Variants in ZBBX observed in about 807,000 individuals in gnomAD.
ZBBX encodes zinc finger B-box domain-containing protein 1.
ZBBX carries 101 observed loss-of-function variants against 108.5 expected under a neutral mutation model. The ratio of observed to expected loss-of-function variants is 0.93; its 90% CI spans 0.79 to 1.10. The LOEUF is 1.10. ZBBX is among the 50% of genes least tolerant of loss of function. The pLI, the probability that ZBBX is intolerant of heterozygous loss-of-function variation, is 0.00. For synonymous variants in ZBBX, 356 were observed against 323.4 expected, an observed-to-expected ratio of 1.10 and a Z score of -1.08; for missense variants, 1,009 against 941.4, an observed-to-expected ratio of 1.07 and a Z score of -0.94.
At chr3:167,391,518 G>A (rs537649761) in intron 1 of ZBBX, among the ~76,000 whole-genome samples, 3 of 151,890 alleles carry the variant, frequency 2.0e-5, no homozygotes, top group Non-Finnish European at 4.4e-5. Flanking sequence ...CTAGGGATTA[G>A]CCCCTCTTTT....
intron 20 of ZBBX, among the ~76,000 whole-genome samples, chr3:167,268,289 T>C (rs1725919903): frequency 6.6e-6 from 1 of 151,650 alleles, no homozygotes; most frequent in African/African-American, 2.4e-5. Context: ...GTTACACACC[T>C]GGGTTGAGTT....
intron 1 of ZBBX, chr3:167,399,625 G>A (rs1748355729): frequency 6.6e-6 from 1 of 152,144 alleles, no homozygotes; most frequent in African/African-American, 2.4e-5. Context: ...ACCTTAGCAT[G>A]TGCAAGGTCA....
At chr3:167,294,360 T>A (rs888709029) in intron 18 of ZBBX, among the ~76,000 whole-genome samples, 1 of 151,740 alleles carries the variant, frequency 6.6e-6, no homozygotes, top group African/African-American at 2.4e-5. Context: ...TATAGACCAA[T>A]GGAACAGAAC....
chr3:167,362,254 A>G (rs1744644682), intron 6 of ZBBX, among the ~76,000 whole-genome samples: 1 of 152,158 alleles, frequency 6.6e-6, no homozygotes, highest in African/African-American at 2.4e-5. Flanking sequence ...GGAACTTAAT[A>G]TACTAAAGCC....
chr3:167,309,425 T>G (rs550357220), intron 16 of ZBBX, among the ~76,000 whole-genome samples: 2 of 152,326 alleles, frequency 1.3e-5, no homozygotes, highest in African/African-American at 4.8e-5. Flanking sequence ...TCTCCATGAG[T>G]GCTCTGCCTC....
At chr3:167,317,291 T>A (rs1049966030) in intron 13 of ZBBX, among the ~76,000 whole-genome samples, 186 bp from the exon 14 acceptor site, 28 of 152,168 alleles carry the variant, frequency 1.8e-4, no homozygotes, top group African/African-American at 6.5e-4. Flanking sequence ...TAAATGAAAC[T>A]ATCTAAATCA....
At chr3:167,199,453 T>C in the ZBBX span, among the ~76,000 whole-genome samples, 3 of 152,170 alleles carry the variant, frequency 2.0e-5, no homozygotes, top group Admixed American at 6.6e-5. Flanking sequence ...TACAGGTCCA[T>C]AGAAATTAAC....
At chr3:167,365,751 A>G (rs1745218312) in intron 6 of ZBBX, 135 bp downstream of exon 6, 1 of 486,228 alleles carries the variant, frequency 2.1e-6, no homozygotes. Flanking sequence ...TGCAAAATAA[A>G]TCAACAAGTG....
At chr3:167,212,065 C>A in the ZBBX span, among the ~76,000 whole-genome samples, 3 of 152,036 alleles carry the variant, frequency 2.0e-5, no homozygotes, top group Non-Finnish European at 1.5e-5. Context: ...CAGCCACTTC[C>A]TACAGGTGAC....
chr3:167,292,042 C>T (rs1730784308), intron 18 of ZBBX, among the ~76,000 whole-genome samples: 4 of 152,126 alleles, frequency 2.6e-5, no homozygotes, highest in Non-Finnish European at 2.9e-5. Flanking sequence ...ACAGGAGCAC[C>T]CAGATTCATA....
chr3:167,221,804 T>C, the ZBBX span, among the ~76,000 whole-genome samples: 1,387 of 152,024 alleles, frequency 9.1e-3, 22 homozygotes, highest in African/African-American at 0.031. Flanking sequence ...CAAAAAGTTA[T>C]GTAAAAAGAT....
the ZBBX span, among the ~76,000 whole-genome samples, chr3:167,205,269 A>G: frequency 6.6e-6 from 1 of 152,108 alleles, no homozygotes; most frequent in Non-Finnish European, 1.5e-5. Flanking sequence ...GGGAGAAGGG[A>G]TGACACTATG....
At chr3:167,397,141 G>GAAAAAAA (rs1748261002) in intron 1 of ZBBX, among the ~76,000 whole-genome samples, 1 of 44,460 alleles carries the variant, frequency 2.2e-5, no homozygotes, top group Non-Finnish European at 4.5e-5. Flanking sequence ...GTTCTTGGTG[G>GAAAAAAA]TAAAAAAAAA....
intron 20 of ZBBX, chr3:167,252,241 G>T (rs1300370394): frequency 5.8e-6 from 7 of 1,216,418 alleles, no homozygotes; most frequent in Non-Finnish European, 6.5e-6. Context: ...AGTCAGAGAG[G>T]TTGCTGTACA....
chr3:167,349,422 G>A (rs1355188328), intron 9 of ZBBX, among the ~76,000 whole-genome samples: 1 of 151,846 alleles, frequency 6.6e-6, no homozygotes, highest in East Asian at 1.9e-4. Context: ...TTTTCTCCCT[G>A]CATCCTTTCT....
chr3:167,211,865 C>A, the ZBBX span, among the ~76,000 whole-genome samples: 2 of 152,102 alleles, frequency 1.3e-5, no homozygotes, highest in African/African-American at 4.8e-5. Context: ...GAGGAGTGGG[C>A]CACCATCTTT....
At chr3:167,242,870 T>C (rs1291029289) in intron 20 of ZBBX, among the ~76,000 whole-genome samples, 1 of 152,114 alleles carries the variant, frequency 6.6e-6, no homozygotes, top group Non-Finnish European at 1.5e-5. Context: ...TTTGTAAATA[T>C]ACATTACATT....
At chr3:167,286,794 A>ATTAAGTTGTG (rs1729784833) in intron 19 of ZBBX, among the ~76,000 whole-genome samples, 1 of 152,140 alleles carries the variant, frequency 6.6e-6, no homozygotes, top group Admixed American at 6.6e-5. Flanking sequence ...GGCAGGGATG[A>ATTAAGTTGTG]GAAGAATGAA....
At chr3:167,277,746 G>C (rs1727898974) in intron 20 of ZBBX, among the ~76,000 whole-genome samples, 1 of 152,060 alleles carries the variant, frequency 6.6e-6, no homozygotes, top group African/African-American at 2.4e-5. Flanking sequence ...GCACCAAGCA[G>C]ACCTAATAGA....
Sources: gnomAD v4.1 joint callset for allele counts (sites outside exome capture counted in the v4.1 genomes callset) on GRCh38, gnomAD v4.1.1 for gene constraint, MANE v1.5 for transcripts, NCBI Gene and HGNC (gene_info 2026-07-23, HGNC 2026-07-21) for gene names.